The following SNTG1 variants were observed in gnomAD, a reference collection of about 807,000 sequenced individuals.
SNTG1 encodes syntrophin gamma 1.
In SNTG1, 39 loss-of-function variants were observed where a neutral mutation model predicts 74.7. The ratio of observed to expected loss-of-function variants is 0.52; its 90% CI spans 0.40 to 0.68. SNTG1 has a LOEUF of 0.68. SNTG1 is among the 30% of genes least tolerant of loss of function. SNTG1 has a pLI of 0.00. For missense variants in SNTG1, 685 were observed against 609.5 expected (o/e 1.12, Z -1.30); for synonymous variants, 254 against 217.1 (o/e 1.17, Z -1.49).
rs745874673 is a variant in SNTG1, at chr8:50,632,285, TTTTATTTATTTA to T, written c.850-24592_850-24581del. 4.9e-4 allele frequency among the ~76,000 whole-genome samples: 66 copies of T among 134,402 alleles called. No individual in the cohort carries two copies. The South Asian group carries it at 6.2e-3, about 13-fold the overall frequency. 88.2% of individuals were successfully genotyped at this position (134,402 alleles called of 152,430 possible). A position where few individuals can be genotyped will look rare whatever the true frequency, so the allele number is the denominator to read the frequency against. On this transcript the variant is annotated intron_variant, in intron 13 of 18. Coordinates refer to ENST00000642720, the MANE Select transcript of SNTG1 (RefSeq NM_018967.5). ...TATTTTATTTTAATAGTCTTTTTAA[TTTTATTTATTTA>T]TTTATTTATTTATTTATTTATTTAT... is the stretch of plus-strand genomic sequence containing the variant.
chr8:50,485,402 C>CT (rs200858444), intron 8 of SNTG1, among the ~76,000 whole-genome samples: 5 of 152,038 alleles, frequency 3.3e-5, no homozygotes, highest in East Asian at 1.9e-4. Context: ...TTCTCTTATA[C>CT]TTTTTTTTCC....
chr8:50,682,094 A>G (rs2095333298), intron 15 of SNTG1, among the ~76,000 whole-genome samples: 1 of 152,182 alleles, frequency 6.6e-6, no homozygotes. Flanking sequence ...TAGCACTTGA[A>G]CATAAATTTA....
At chr8:50,758,529 G>A (rs570961225) in intron 18 of SNTG1, among the ~76,000 whole-genome samples, 13 of 152,042 alleles carry the variant, frequency 8.6e-5, no homozygotes, top group South Asian at 6.2e-4. Flanking sequence ...GTGTCCATGC[G>A]TTCTCATTGT....
intron 2 of SNTG1, among the ~76,000 whole-genome samples, chr8:50,364,025 C>T (rs1189343056): frequency 2.6e-5 from 4 of 152,158 alleles, no homozygotes; most frequent in Non-Finnish European, 5.9e-5. Context: ...CTGAGGCCCT[C>T]CCTATGACAC....
At chr8:50,447,136 T>A (rs2093414971) in intron 5 of SNTG1, among the ~76,000 whole-genome samples, 1 of 152,158 alleles carries the variant, frequency 6.6e-6, no homozygotes, top group Admixed American at 6.5e-5. Context: ...GTCTGGGTGT[T>A]GAGGAAAGAA....
intron 2 of SNTG1, among the ~76,000 whole-genome samples, chr8:50,296,968 G>T (rs564431449): frequency 2.6e-5 from 4 of 152,122 alleles, no homozygotes; most frequent in Non-Finnish European, 4.4e-5. Flanking sequence ...TTGTTCATCA[G>T]TTCAACTCTA....
chr8:50,567,755 C>T (rs2094524150), intron 12 of SNTG1, among the ~76,000 whole-genome samples: 1 of 151,926 alleles, frequency 6.6e-6, no homozygotes, highest in Non-Finnish European at 1.5e-5. Context: ...TAATGGGGTA[C>T]ATTGTGATGT....
chr8:50,702,107 C>A (rs1227938761), intron 15 of SNTG1, among the ~76,000 whole-genome samples: 1 of 152,038 alleles, frequency 6.6e-6, no homozygotes, highest in Non-Finnish European at 1.5e-5. Flanking sequence ...CCACCTCGGC[C>A]TCCCAAATTG....
intron 1 of SNTG1, among the ~76,000 whole-genome samples, chr8:50,109,343 A>G (rs1260896411): frequency 1.3e-5 from 2 of 152,144 alleles, no homozygotes; most frequent in East Asian, 1.9e-4. Flanking sequence ...ATTCATATTC[A>G]CTTTCAAGTT....
intron 2 of SNTG1, among the ~76,000 whole-genome samples, chr8:50,212,621 T>A (rs2131921531): frequency 6.6e-6 from 1 of 152,338 alleles, no homozygotes. Flanking sequence ...ATAAGTATTC[T>A]GTTTTCCTAT....
At chr8:50,144,427 C>T (rs977790000) in intron 1 of SNTG1, among the ~76,000 whole-genome samples, 2 of 152,094 alleles carry the variant, frequency 1.3e-5, no homozygotes, top group African/African-American at 2.4e-5. Context: ...AGGATGGGCT[C>T]CTCTGAGCAG....
chr8:50,402,081 C>A (rs1283582797), intron 3 of SNTG1, 129 bp from the exon 4 acceptor site: 5 of 859,114 alleles, frequency 5.8e-6, no homozygotes, highest in African/African-American at 3.5e-5. Context: ...CAATTTCAGG[C>A]TCATCAGAGT....
At chr8:50,721,867 A>G (rs931565182) in intron 17 of SNTG1, among the ~76,000 whole-genome samples, 1 of 152,140 alleles carries the variant, frequency 6.6e-6, no homozygotes, top group African/African-American at 2.4e-5. Flanking sequence ...AATAAATAAC[A>G]AAGATGTTGC....
chr8:50,674,033 A>T (rs2095298179), intron 15 of SNTG1, among the ~76,000 whole-genome samples: 2 of 152,120 alleles, frequency 1.3e-5, no homozygotes, highest in Admixed American at 1.3e-4. Flanking sequence ...AGCTGACTTG[A>T]TCATGGTGGG....
chr8:50,285,063 G>T (rs753444075), intron 2 of SNTG1, among the ~76,000 whole-genome samples: 12 of 152,052 alleles, frequency 7.9e-5, no homozygotes, highest in African/African-American at 1.2e-4. Flanking sequence ...GAATTAAGAA[G>T]TAGATGAGAA....
intron 8 of SNTG1, among the ~76,000 whole-genome samples, chr8:50,487,380 C>T (rs777035573): frequency 3.3e-5 from 5 of 152,190 alleles, no homozygotes; most frequent in African/African-American, 2.4e-5. Flanking sequence ...TATAAAGACA[C>T]ATGCACACGT....
intron 18 of SNTG1, among the ~76,000 whole-genome samples, chr8:50,767,975 C>T (rs1164089240): frequency 6.6e-6 from 1 of 151,938 alleles, no homozygotes; most frequent in East Asian, 1.9e-4. Context: ...TTCGTCTAAA[C>T]TACTGAGTTT....
intron 2 of SNTG1, among the ~76,000 whole-genome samples, chr8:50,220,603 G>A (rs1010451465): frequency 6.6e-6 from 1 of 152,146 alleles, no homozygotes; most frequent in African/African-American, 2.4e-5. Flanking sequence ...CAGAGCTGGT[G>A]GGTACAAACT....
chr8:50,339,870 G>T (rs1324925370), intron 2 of SNTG1, among the ~76,000 whole-genome samples: 1 of 151,802 alleles, frequency 6.6e-6, no homozygotes, highest in African/African-American at 2.4e-5. Context: ...TCCATTAAAA[G>T]ACAGACTTTC....
Sources: allele counts gnomAD v4.1 joint callset (sites outside exome capture counted in the v4.1 genomes callset), GRCh38; gene constraint gnomAD v4.1.1; transcripts MANE v1.5; gene names NCBI Gene and HGNC (gene_info 2026-07-23, HGNC 2026-07-21).